Variants in KLRD1 observed in about 807,000 individuals in gnomAD.
KLRD1 encodes the protein natural killer cells antigen CD94.
KLRD1 carries 21 observed loss-of-function variants against 22.6 expected under a neutral mutation model. The observed-to-expected ratio is 0.93, with a 90% CI of 0.66 to 1.34. The LOEUF is 1.34. Ranked by LOEUF, KLRD1 falls within the 40% of genes most tolerant of loss-of-function variation. The pLI, the probability that KLRD1 is intolerant of heterozygous loss-of-function variation, is 0.00. For missense variants in KLRD1, 183 were observed against 208.6 expected (o/e 0.88, Z 0.76); for synonymous variants, 59 against 71.1 (o/e 0.83, Z 0.85).
intron 1 of KLRD1, among the ~76,000 whole-genome samples, chr12:10,268,909 T>C (rs1191900641): frequency 6.6e-6 from 1 of 152,248 alleles, no homozygotes; most frequent in Non-Finnish European, 1.5e-5. Flanking sequence ...TAAACCAGAA[T>C]TTTATCATTA....
At chr12:10,252,852 G>A (rs557762998) in intron 1 of KLRD1, among the ~76,000 whole-genome samples, 139 of 152,086 alleles carry the variant, frequency 9.1e-4, no homozygotes, top group Non-Finnish European at 1.6e-3. Context: ...GAATGAACCA[G>A]GGTTGGGAGT....
At chr12:10,312,562 T>C (rs1950107887) in intron 4 of KLRD1, among the ~76,000 whole-genome samples, 1 of 149,418 alleles carries the variant, frequency 6.7e-6, no homozygotes, top group South Asian at 2.1e-4. Flanking sequence ...GTATTTTTAG[T>C]AGAGACGCGG....
chr12:10,261,417 G>T (rs771996568), intron 1 of KLRD1, among the ~76,000 whole-genome samples: 25 of 152,166 alleles, frequency 1.6e-4, no homozygotes, highest in Admixed American at 4.6e-4. Context: ...CTTTAGGCTT[G>T]CTAGGATCTA....
rs186614469 is a variant in KLRD1 at position 10,272,965 on chromosome 12, A to G, written c.-100-35013A>G. ...CATTGCATTTGAATGATTGTAACAG[A>G]TACGGATTTTCAGAAATACCTTTTT... On this transcript the variant is annotated intron_variant, in intron 1 of 5. Coordinates refer to the KLRD1 transcript ENST00000544747. Among the ~76,000 whole-genome samples, 388 of 152,298 alleles carry G rather than the reference A, an allele frequency of 2.5e-3. 1 individual carries two copies. Among genetic ancestry groups the G allele is most frequent in the Non-Finnish European group, 3.3e-3 (226 of 68,012 alleles).
intron 1 of KLRD1, among the ~76,000 whole-genome samples, chr12:10,283,278 G>C (rs1592055602): frequency 1.3e-5 from 2 of 152,274 alleles, no homozygotes; most frequent in South Asian, 4.1e-4. Flanking sequence ...AAACAACATA[G>C]CATGAGGGAA....
intron 1 of KLRD1, among the ~76,000 whole-genome samples, chr12:10,285,876 C>T (rs1043522262): frequency 7.9e-5 from 12 of 152,166 alleles, no homozygotes; most frequent in African/African-American, 2.9e-4. Context: ...ACAAAAATAG[C>T]GCAGCTACAG....
chr12:10,242,426 A>G (rs770342658), intron 1 of KLRD1, among the ~76,000 whole-genome samples: 10 of 152,170 alleles, frequency 6.6e-5, no homozygotes, highest in Non-Finnish European at 1.5e-4. Context: ...TCTCTCCTCA[A>G]AAATCCAAAG....
chr12:10,250,779 G>C (rs1400773377), intron 1 of KLRD1, among the ~76,000 whole-genome samples: 1 of 152,088 alleles, frequency 6.6e-6, no homozygotes, highest in African/African-American at 2.4e-5. Flanking sequence ...GTACGAAGTG[G>C]TTTCAAAGTC....
intron 4 of KLRD1, among the ~76,000 whole-genome samples, chr12:10,313,135 G>T (rs1279496603): frequency 1.3e-5 from 2 of 152,112 alleles, no homozygotes; most frequent in African/African-American, 4.8e-5. Context: ...CCCCCGTGAA[G>T]AAAGTGTTCC....
At position 10,317,420 on chromosome 12, in the gene KLRD1, A is replaced by G. The variant is rs1371927129; in HGVS notation, c.*2627A>G. ...TCTGCCTTTCTTCATGGTCCAGGAT[A>G]TGGGCCATGTGCTAAACTATTACCA... On this transcript the variant is annotated 3_prime_UTR_variant, in exon 6 of 6. Transcript: ENST00000336164. 6.6e-6 allele frequency: 1 copy of G among 152,180 alleles called. No individual in the cohort carries two copies. The highest frequency in any genetic ancestry group is 1.5e-5 in the Non-Finnish European group (1 of 68,030). The allele number at this position is 152,180 out of a possible 1,614,324, so 9.4% of individuals were successfully genotyped here. A position where few individuals can be genotyped will look rare whatever the true frequency, so the allele number is the denominator to read the frequency against.
chr12:10,309,435 A>G lies in KLRD1; in HGVS notation c.55A>G (p.Ile19Val). The G allele has an allele frequency of 6.4e-7, 1 of 1,554,664 alleles. No individual in the cohort carries two copies. The highest frequency in any genetic ancestry group is 8.9e-7 in the Non-Finnish European group (1 of 1,125,518). ...WRLISGTLGIICLSLMSTLGI... is the reference protein window; with the variant it reads ...WRLISGTLGIVCLSLMSTLGI... ...GTTAATTTCTGGGACCTTAGGGATA[A>G]TATGCCTTTCGTTGATGTCTACGTT... Residue 19 changes from isoleucine (I) to valine (V), a missense_variant, in exon 2 of 6, where the codon ATA becomes GTA. Physicochemically the swap from Ile to Val is conservative, Grantham distance 29. Transcript: ENST00000336164.
intron 1 of KLRD1, among the ~76,000 whole-genome samples, chr12:10,298,961 G>C (rs1194236147): frequency 6.6e-6 from 1 of 152,160 alleles, no homozygotes; most frequent in Non-Finnish European, 1.5e-5. Flanking sequence ...CTGGGTTAGG[G>C]TCTCCACGAC....
At chr12:10,311,215 C>G (rs1950060470) in intron 3 of KLRD1, among the ~76,000 whole-genome samples, 1 of 152,080 alleles carries the variant, frequency 6.6e-6, no homozygotes, top group African/African-American at 2.4e-5. Context: ...TAAATCATCA[C>G]TAAATATCGT....
intron 4 of KLRD1, among the ~76,000 whole-genome samples, chr12:10,311,963 T>C (rs1322205708): frequency 1.3e-5 from 2 of 152,068 alleles, no homozygotes; most frequent in Admixed American, 6.6e-5. Context: ...TTATAATATC[T>C]TTTATAATTT....
Position 10,326,360 on chromosome 12 carries a change from T to G in KLRD1, c.*11567T>G, listed in dbSNP as rs1771448278. On this transcript the variant is annotated 3_prime_UTR_variant, in exon 6 of 6. Coordinates refer to ENST00000336164, the MANE Select transcript of KLRD1 (RefSeq NM_002262.5). ...TTATTTTGCAAAGGTTGAGAACATA[T>G]GCCCATAACACAGCCTCACCTCAGG... 1.3e-5 allele frequency: 2 copies of G among 152,232 alleles called. No homozygotes were observed. The highest frequency in any genetic ancestry group is 2.9e-5 in the Non-Finnish European group (2 of 68,046). 9.4% of individuals were successfully genotyped at this position (152,232 alleles called of 1,614,324 possible). A position where few individuals can be genotyped will look rare whatever the true frequency, so the allele number is the denominator to read the frequency against.
Position 10,240,934 on chromosome 12 carries a change from T to A in KLRD1, c.-101+14701T>A, listed in dbSNP as rs918363866. Among the ~76,000 whole-genome samples, 3 of 152,192 alleles carry A rather than the reference T, an allele frequency of 2.0e-5. No individual in the cohort carries two copies. The East Asian group carries it at 5.8e-4, about 29-fold the overall frequency. ...ACAGTCTTGATTTGCTGATTGCACC[T>A]CCGTATGTAGTTCAACATCTTCTTC... On this transcript the variant is annotated intron_variant, in intron 1 of 5. Transcript: ENST00000544747.
In KLRD1 at chr12:10,313,082, C is replaced by T. The variant is rs113598894; in HGVS notation, c.316-328C>T. ...AGTAGATTATACCCATGGGATTCCTCCTTCACAATACCATGATTTTGGAAT... is the reference window on the plus strand; with the variant it reads ...AGTAGATTATACCCATGGGATTCCTTCTTCACAATACCATGATTTTGGAAT... On this transcript the variant is annotated intron_variant, in intron 4 of 5. Coordinates refer to ENST00000336164, the MANE Select transcript of KLRD1 (RefSeq NM_002262.5). Among the ~76,000 whole-genome samples the T allele has an allele frequency of 2.8e-3, 426 of 152,194 alleles. 2 individuals carry two copies. Among genetic ancestry groups the T allele is most frequent in the Admixed American group, 5.4e-3 (82 of 15,286 alleles).
At chr12:10,249,346 C>G (rs1949323698) in intron 1 of KLRD1, among the ~76,000 whole-genome samples, 3 of 152,112 alleles carry the variant, frequency 2.0e-5, no homozygotes. Context: ...TATTGAATTG[C>G]AAACAAAGAA....
intron 4 of KLRD1, among the ~76,000 whole-genome samples, chr12:10,313,059 T>C (rs1468582115): frequency 6.6e-6 from 1 of 151,972 alleles, no homozygotes; most frequent in African/African-American, 2.4e-5. Flanking sequence ...ATAGGTTGAG[T>C]AGATTATACC....
Sources: allele counts gnomAD v4.1 joint callset (sites outside exome capture counted in the v4.1 genomes callset), GRCh38; gene constraint gnomAD v4.1.1; transcripts MANE v1.5; gene names NCBI Gene and HGNC (gene_info 2026-07-23, HGNC 2026-07-21).